The following GRIP1 variants were observed in gnomAD, a reference collection of about 807,000 sequenced individuals.
GRIP1 encodes the protein glutamate receptor-interacting protein 1.
GRIP1 carries 45 observed loss-of-function variants against 129.9 expected under a neutral mutation model. That is an observed-to-expected ratio of 0.35 (90% CI 0.27 to 0.44). GRIP1 has a LOEUF of 0.44. Ranked by LOEUF, GRIP1 falls within the 20% of genes least tolerant of loss-of-function variation. The pLI, the probability that GRIP1 is intolerant of heterozygous loss-of-function variation, is 1.00. For synonymous variants in GRIP1, 530 were observed against 520.8 expected, an observed-to-expected ratio of 1.02 and a Z score of -0.24; for missense variants, 1,196 against 1,396.8, an observed-to-expected ratio of 0.86 and a Z score of 2.29.
At chr12:66,591,177 AC>A (rs2063835273) in intron 2 of GRIP1, among the ~76,000 whole-genome samples, 1 of 148,006 alleles carries the variant, frequency 6.8e-6, no homozygotes, top group South Asian at 2.1e-4. Flanking sequence ...ACTATGGAAA[AC>A]AAAACAAGAC....
intron 1 of GRIP1, among the ~76,000 whole-genome samples, chr12:66,766,708 C>G (rs1226293608): frequency 6.6e-6 from 1 of 152,312 alleles, no homozygotes; most frequent in Middle Eastern, 3.4e-3. Context: ...AAAACCTTGA[C>G]TTAAAGATCA....
intron 2 of GRIP1, among the ~76,000 whole-genome samples, chr12:66,575,454 C>T (rs906789572): frequency 6.6e-6 from 1 of 152,134 alleles, no homozygotes; most frequent in Non-Finnish European, 1.5e-5. Flanking sequence ...TCCTAGATAA[C>T]ACTTGATATA....
chr12:66,877,401 G>A (rs1455508661), intron 1 of GRIP1, among the ~76,000 whole-genome samples: 1 of 152,004 alleles, frequency 6.6e-6, no homozygotes, highest in Non-Finnish European at 1.5e-5. Flanking sequence ...AAAAGGCAGT[G>A]TTATTAAATT....
At chr12:66,865,868 C>T (rs1312857235) in intron 1 of GRIP1, among the ~76,000 whole-genome samples, 1 of 152,126 alleles carries the variant, frequency 6.6e-6, no homozygotes, top group African/African-American at 2.4e-5. Flanking sequence ...TTTCCAAACT[C>T]ACTTTTCTCC....
chr12:66,536,750 T>C lies in GRIP1; in HGVS notation c.418+2328A>G, dbSNP rs74673748. On this transcript the variant is annotated intron_variant, in intron 4 of 24. Coordinates refer to ENST00000359742, the MANE Select transcript of GRIP1 (RefSeq NM_001366722.1). ...TATTATGGTTTTATTTTATTATCTGTCTTCTGCTACAATATAAACTCTACT... is the reference window on the plus strand; with the variant it reads ...TATTATGGTTTTATTTTATTATCTGCCTTCTGCTACAATATAAACTCTACT... 6.9e-3 allele frequency among the ~76,000 whole-genome samples: 1,048 copies of C among 152,340 alleles called. 15 individuals are homozygous for C. Among genetic ancestry groups the C allele is most frequent in the African/African-American group, 0.024 (995 of 41,578 alleles).
chr12:66,773,411 A>C (rs1338579011), intron 1 of GRIP1, among the ~76,000 whole-genome samples: 1 of 152,180 alleles, frequency 6.6e-6, no homozygotes, highest in Non-Finnish European at 1.5e-5. Context: ...GAATTGCCAC[A>C]CTGTGTGAAG....
At chr12:67,062,408 C>T (rs2043551415) in intron 1 of GRIP1, among the ~76,000 whole-genome samples, 1 of 152,162 alleles carries the variant, frequency 6.6e-6, no homozygotes, top group South Asian at 2.1e-4. Context: ...TGGAACATAC[C>T]ATGCTCCTTG....
At chr12:66,474,911 T>C (rs895984976) in intron 7 of GRIP1, among the ~76,000 whole-genome samples, 1 of 151,994 alleles carries the variant, frequency 6.6e-6, no homozygotes, top group East Asian at 1.9e-4. Context: ...TAGGAAGAAA[T>C]TGCATCAACT....
chr12:66,389,974 G>T (rs887702454), intron 19 of GRIP1, among the ~76,000 whole-genome samples: 1 of 152,184 alleles, frequency 6.6e-6, no homozygotes, highest in South Asian at 2.1e-4. Flanking sequence ...GAGTATCTAA[G>T]GGGCTGTCAG....
intron 1 of GRIP1, among the ~76,000 whole-genome samples, chr12:66,609,240 T>C (rs550029279): frequency 6.6e-6 from 1 of 152,126 alleles, no homozygotes; most frequent in Admixed American, 6.6e-5. Flanking sequence ...GCCACACTGC[T>C]TCAATAGAGG....
At chr12:66,764,945 G>C (rs762449524) in intron 1 of GRIP1, among the ~76,000 whole-genome samples, 2 of 152,226 alleles carry the variant, frequency 1.3e-5, no homozygotes, top group African/African-American at 4.8e-5. Flanking sequence ...AGTGCTTTAT[G>C]TGAATTAGCT....
At chr12:66,590,045 T>C (rs938775062) in intron 2 of GRIP1, among the ~76,000 whole-genome samples, 1 of 152,150 alleles carries the variant, frequency 6.6e-6, no homozygotes, top group Non-Finnish European at 1.5e-5. Context: ...TTTTTCCTTA[T>C]AGCTCTTATG....
chr12:66,444,283 G>A (rs958470550), intron 13 of GRIP1, among the ~76,000 whole-genome samples: 11 of 151,414 alleles, frequency 7.3e-5, no homozygotes, highest in Admixed American at 2.0e-4. Context: ...TCAGGAGATC[G>A]AGACCATCCT....
chr12:66,589,083 T>C (rs1252413469), intron 2 of GRIP1, among the ~76,000 whole-genome samples: 1 of 152,106 alleles, frequency 6.6e-6, no homozygotes, highest in Non-Finnish European at 1.5e-5. Context: ...CCCGGTGATG[T>C]TTCTGAGGAA....
At chr12:66,709,473 G>T (rs756009842) in intron 1 of GRIP1, among the ~76,000 whole-genome samples, 3 of 151,910 alleles carry the variant, frequency 2.0e-5, no homozygotes, top group Non-Finnish European at 2.9e-5. Flanking sequence ...ATCTGAGCTG[G>T]CAAGAGGTTG....
chr12:66,567,236 T>A (rs772895955), intron 2 of GRIP1, among the ~76,000 whole-genome samples: 1 of 152,182 alleles, frequency 6.6e-6, no homozygotes, highest in Non-Finnish European at 1.5e-5. Flanking sequence ...ATTTTAGATC[T>A]TTTCTGCTTT....
At chr12:66,605,618 G>C (rs1290821530) in intron 1 of GRIP1, among the ~76,000 whole-genome samples, 1 of 152,124 alleles carries the variant, frequency 6.6e-6, no homozygotes, top group Non-Finnish European at 1.5e-5. Context: ...AGCCTTTAAT[G>C]CTCTCACCTG....
intron 1 of GRIP1, among the ~76,000 whole-genome samples, chr12:67,067,256 A>G (rs182688380): frequency 1.2e-4 from 19 of 152,286 alleles, no homozygotes; most frequent in African/African-American, 4.3e-4. Flanking sequence ...ATGTTACCAT[A>G]TATTTCCAAA....
chr12:66,628,715 C>T (rs186151896), intron 1 of GRIP1, among the ~76,000 whole-genome samples: 115 of 152,338 alleles, frequency 7.5e-4, no homozygotes, highest in Non-Finnish European at 1.3e-3. Context: ...TTGATTGTCA[C>T]AACTGGGGAA....
Sources: allele counts gnomAD v4.1 joint callset (sites outside exome capture counted in the v4.1 genomes callset), GRCh38; gene constraint gnomAD v4.1.1; transcripts MANE v1.5; gene names NCBI Gene and HGNC (gene_info 2026-07-23, HGNC 2026-07-21).